Variants in VPS13D observed in about 807,000 individuals in gnomAD.
VPS13D encodes the protein intermembrane lipid transfer protein VPS13D.
In VPS13D, 187 loss-of-function variants were observed where a neutral mutation model predicts 461.9. The observed-to-expected ratio is 0.40, with a 90% confidence interval of 0.36 to 0.46. The LOEUF is 0.46. Among genes scored for constraint, VPS13D ranks in the 20% least tolerant of loss-of-function variants. The pLI is 0.60. For missense variants in VPS13D, 4,711 were observed against 5,364.9 expected, an observed-to-expected ratio of 0.88 and a Z score of 3.81; for synonymous variants, 1,951 against 1,986.3, an observed-to-expected ratio of 0.98 and a Z score of 0.47.
chr1:12,276,144 C>T lies in VPS13D; in HGVS notation c.2556C>T (p.Phe852=). The change falls in exon 19 of 70, where the codon TTC becomes TTT. Residue 852 remains phenylalanine (F), a synonymous_variant. Coordinates refer to ENST00000620676, the MANE Select transcript of VPS13D (RefSeq NM_015378.4). This position sits in a 1 kb window ranked among gnomAD's most constrained non-coding sequence, Gnocchi z 4.5. ...DVGPTHVVEK[F]NVHLQLERRL... Reference sequence around the variant, plus strand: ...GACCAACACATGTGGTAGAGAAGTTCAACGTTCACCTACAGTTAGAGCGTC... The same window carrying T: ...GACCAACACATGTGGTAGAGAAGTTTAACGTTCACCTACAGTTAGAGCGTC... 1 of 1,614,112 alleles carries T rather than the reference C, an allele frequency of 6.2e-7. No individual in the cohort carries two copies. The highest frequency in any genetic ancestry group is 8.5e-7 in the Non-Finnish European group (1 of 1,180,016).
At chr1:12,483,405 T>C (rs1393069442) in intron 67 of VPS13D, among the ~76,000 whole-genome samples, 1 of 152,226 alleles carries the variant, frequency 6.6e-6, no homozygotes. Flanking sequence ...TGGATTTTTC[T>C]TCTTTTGTGA....
At position 12,349,176 on chromosome 1, in the gene VPS13D, T is replaced by C; in HGVS notation, c.9233T>C (p.Leu3078Pro). 1 of 1,613,732 alleles carries C rather than the reference T, an allele frequency of 6.2e-7. No homozygotes were observed. Among genetic ancestry groups the C allele is most frequent in the Non-Finnish European group, 8.5e-7 (1 of 1,180,040 alleles). ...ATTTCTGTGGCAGAGCCAGTGGTGC[T>C]TCCTGCTATCATGCCAGGGGATTCG... The part of the protein sequence containing the change: ...SPSAPDKPVV[L>P]PAIMPGDSFA... Residue 3078 changes from leucine (L) to proline (P), a missense_variant, in exon 46 of 70, where the codon CTT becomes CCT. This residue lies in a region of VPS13D where 4,411 missense variants were observed against 4,937.8 expected (regional missense o/e 0.89). Coordinates refer to ENST00000620676, the MANE Select transcript of VPS13D (RefSeq NM_015378.4).
chr1:12,230,293 C>T (rs1010537593), intron 1 of VPS13D, among the ~76,000 whole-genome samples, 173 bp downstream of exon 1: 1 of 152,120 alleles, frequency 6.6e-6, no homozygotes, highest in Admixed American at 6.5e-5. Context: ...GTCTGAGCCC[C>T]TCGGGGTAAC....
At chr1:12,489,108 T>C (rs566332673) in intron 67 of VPS13D, among the ~76,000 whole-genome samples, 1 of 152,342 alleles carries the variant, frequency 6.6e-6, no homozygotes, top group South Asian at 2.1e-4. Flanking sequence ...TGGAATTCTT[T>C]ATAAAGTAAC....
At chr1:12,350,097 C>G (rs1165667615) in intron 46 of VPS13D, among the ~76,000 whole-genome samples, 1 of 152,098 alleles carries the variant, frequency 6.6e-6, no homozygotes, top group African/African-American at 2.4e-5. Flanking sequence ...AAATACATAG[C>G]TGGAGTTGGT....
At position 12,319,620 on chromosome 1, in the gene VPS13D, T is replaced by G; in HGVS notation, c.7538T>G (p.Phe2513Cys). 1 of 1,614,220 alleles carries G rather than the reference T, an allele frequency of 6.2e-7. No homozygotes were observed. The highest frequency in any genetic ancestry group is 2.2e-5 in the East Asian group (1 of 44,886). The change falls in exon 32 of 70, where the codon TTT becomes TGT. Residue 2513 changes from phenylalanine (F) to cysteine (C), a missense_variant. Around this residue, in one of 3 missense-constraint regions of VPS13D, gnomAD observed 4,411 missense variants for 4,937.8 expected, o/e 0.89. Transcript: ENST00000620676. ...GATCGCCCCTTTTCAGGAAGTTTGT[T>G]TGGCATTGAGGTAAGAAGTCTATGT... ...FVDRPFSGSLFGIEVFSCRLG... is the reference protein window; with the variant it reads ...FVDRPFSGSLCGIEVFSCRLG...
chr1:12,320,443 C>T (rs1326436062), intron 32 of VPS13D, among the ~76,000 whole-genome samples: 1 of 152,176 alleles, frequency 6.6e-6, no homozygotes, highest in Non-Finnish European at 1.5e-5. Flanking sequence ...ATGCCCCTTT[C>T]TTTCCAGTGG....
intron 67 of VPS13D, among the ~76,000 whole-genome samples, chr1:12,468,889 C>G (rs1645527394): frequency 6.6e-6 from 1 of 151,814 alleles, no homozygotes; most frequent in African/African-American, 2.4e-5. Flanking sequence ...CAAAAATTAC[C>G]CGGGTATGGT....
chr1:12,231,606 G>A (rs1199536754), intron 1 of VPS13D, among the ~76,000 whole-genome samples: 1 of 152,152 alleles, frequency 6.6e-6, no homozygotes. Context: ...AGAGTACTCT[G>A]ACCTTGGCTT....
intron 66 of VPS13D, among the ~76,000 whole-genome samples, chr1:12,457,471 C>G (rs1010890462): frequency 2.6e-5 from 4 of 152,176 alleles, no homozygotes; most frequent in African/African-American, 9.7e-5. Context: ...GGAGAAGGAC[C>G]ACTTTGCATT....
At chr1:12,370,881 G>A (rs556520488) in intron 54 of VPS13D, among the ~76,000 whole-genome samples, 4 of 152,026 alleles carry the variant, frequency 2.6e-5, no homozygotes, top group Non-Finnish European at 5.9e-5. Flanking sequence ...GAACCTATAT[G>A]GAAGACATAA....
chr1:12,378,506 A>G lies in VPS13D; in HGVS notation c.10996A>G (p.Asn3666Asp). Reference protein sequence around the residue: ...LAHEGSSVPHNPNKPSAARST... With the variant: ...LAHEGSSVPHDPNKPSAARST... ...CCATGAGGGCTCCTCAGTTCCTCAC[A>G]ATCCCAATAAGCCCTCAGCCGCCCG... Residue 3666 changes from asparagine (N) to aspartate (D), a missense_variant, in exon 56 of 70, where the codon AAT becomes GAT. Physicochemically the swap from Asn to Asp is conservative, Grantham distance 23 (BLOSUM62 1). Coordinates refer to ENST00000620676, the MANE Select transcript of VPS13D (RefSeq NM_015378.4). 1 of 1,612,910 alleles carries G rather than the reference A, an allele frequency of 6.2e-7. No individual in the cohort carries two copies. Among genetic ancestry groups the G allele is most frequent in the Non-Finnish European group, 8.5e-7 (1 of 1,179,542 alleles).
chr1:12,261,203 G>T, intron 12 of VPS13D, 54 bp downstream of exon 12: 1 of 1,584,234 alleles, frequency 6.3e-7, no homozygotes, highest in African/African-American at 1.3e-5. Context: ...TGTTATTTGT[G>T]CAACAGCTTG....
intron 65 of VPS13D, among the ~76,000 whole-genome samples, chr1:12,452,356 A>T (rs945478965): frequency 3.3e-5 from 5 of 152,246 alleles, no homozygotes; most frequent in African/African-American, 9.6e-5. Flanking sequence ...ATGATGGTGT[A>T]GCTCTTTTGG....
chr1:12,495,911 C>T lies in VPS13D; in HGVS notation c.12663-1589C>T, dbSNP rs762535889. On this transcript the variant is annotated intron_variant, in intron 67 of 69. Transcript: ENST00000620676. The surrounding 1 kb of genome is among the most constrained non-coding windows in gnomAD (Gnocchi z 4.0). ...CGTGGAGAGGCACGCCAAGCTCCTTCCCCCAACCCCGCTGCCTGCAGAGGT... is the reference window on the plus strand; with the variant it reads ...CGTGGAGAGGCACGCCAAGCTCCTTTCCCCAACCCCGCTGCCTGCAGAGGT... Among the ~76,000 whole-genome samples, 7 of 152,184 alleles carry T rather than the reference C, an allele frequency of 4.6e-5. No homozygotes were observed. The highest frequency in any genetic ancestry group is 8.8e-5 in the Non-Finnish European group (6 of 68,034).
At chr1:12,415,345 G>T in intron 64 of VPS13D, 124 bp downstream of exon 64, 1 of 1,298,714 alleles carries the variant, frequency 7.7e-7, no homozygotes, top group Non-Finnish European at 1.1e-6. Context: ...ACTCTGTTGT[G>T]TTACGGGTCA....
chr1:12,308,405 A>G (rs576040660), intron 26 of VPS13D, 26 bp from the exon 27 acceptor site: 1 of 1,612,824 alleles, frequency 6.2e-7, no homozygotes, highest in South Asian at 1.1e-5. Context: ...TTTCTTCATT[A>G]CCTCTCTTTC....
chr1:12,486,622 G>A (rs868803983), intron 67 of VPS13D, among the ~76,000 whole-genome samples: 2 of 152,176 alleles, frequency 1.3e-5, no homozygotes, highest in Non-Finnish European at 2.9e-5. Context: ...GACCCAGGTC[G>A]GTAACTTTCT....
At position 12,335,784 on chromosome 1, in the gene VPS13D, A is replaced by G. The variant is rs1643435957; in HGVS notation, c.8508A>G (p.Glu2836=). The G allele has an allele frequency of 6.2e-7, 1 of 1,614,194 alleles. No individual in the cohort carries two copies. Residue 2836 remains glutamate (E), a synonymous_variant, in exon 39 of 70, where the codon GAA becomes GAG. Transcript: ENST00000620676. ...AGGACATAGAGTCAGCTAAATCAGA[A>G]GACTGGATGGGCTCTTCGGTGGATC... ...DDKDIESAKS[E]DWMGSSVDPP...
Sources: gnomAD v4.1 joint callset for allele counts (sites outside exome capture counted in the v4.1 genomes callset) on GRCh38, gnomAD v4.1.1 for gene constraint, gnomAD v4.1.1 regional missense constraint, Gnocchi (gnomAD v3.1) non-coding constraint, MANE v1.5 for transcripts, NCBI Gene and HGNC (gene_info 2026-07-23, HGNC 2026-07-21) for gene names.